Variants in RAB3C observed in about 807,000 individuals in gnomAD.
RAB3C encodes RAB3C, member RAS oncogene family.
A neutral mutation model predicts 26.4 loss-of-function variants in RAB3C; 17 were observed. The observed-to-expected ratio is 0.64, with a 90% CI of 0.44 to 0.97. The LOEUF (loss-of-function observed/expected upper bound fraction) is 0.97. RAB3C is among the 50% of genes least tolerant of loss of function. The probability of loss-of-function intolerance (pLI) is 0.00; values close to 1 mark genes in which losing one functional copy is unlikely to be tolerated. For synonymous variants in RAB3C, 91 were observed against 95.9 expected, an observed-to-expected ratio of 0.95 and a Z score of 0.30; for missense variants, 242 against 281.9, an observed-to-expected ratio of 0.86 and a Z score of 1.01.
At chr5:58,755,263 C>T (rs925710035) in intron 3 of RAB3C, among the ~76,000 whole-genome samples, 1 of 152,156 alleles carries the variant, frequency 6.6e-6, no homozygotes. Context: ...GATTCAATGC[C>T]GTTGTAAGCC....
intron 3 of RAB3C, among the ~76,000 whole-genome samples, chr5:58,812,624 T>C (rs1040006609): frequency 6.6e-6 from 1 of 152,172 alleles, no homozygotes; most frequent in African/African-American, 2.4e-5. Context: ...TGACAATGCA[T>C]TTGTTGAAGG....
At chr5:58,608,190 CT>C (rs1330339072) in intron 1 of RAB3C, among the ~76,000 whole-genome samples, 3 of 152,098 alleles carry the variant, frequency 2.0e-5, no homozygotes, top group Non-Finnish European at 2.9e-5. Flanking sequence ...GGAGACCCAT[CT>C]TATGTGCAGA....
intron 4 of RAB3C, among the ~76,000 whole-genome samples, chr5:58,837,180 T>C (rs1012443308): frequency 6.6e-6 from 1 of 152,126 alleles, no homozygotes; most frequent in African/African-American, 2.4e-5. Flanking sequence ...CATTTTTATG[T>C]CTTTTTTCTT....
intron 1 of RAB3C, among the ~76,000 whole-genome samples, chr5:58,611,348 C>T (rs1387885317): frequency 6.6e-6 from 1 of 152,144 alleles, no homozygotes; most frequent in Admixed American, 6.6e-5. Context: ...CTCCTACCGA[C>T]AGTATATAAG....
At chr5:58,614,317 C>T (rs898949767) in intron 1 of RAB3C, among the ~76,000 whole-genome samples, 4 of 152,060 alleles carry the variant, frequency 2.6e-5, no homozygotes, top group African/African-American at 9.7e-5. Flanking sequence ...CAAATTGCTT[C>T]ACTTGTGGTC....
chr5:58,717,423 G>A (rs73102351), intron 2 of RAB3C, among the ~76,000 whole-genome samples: 2,550 of 152,164 alleles, frequency 0.017, 79 homozygotes, highest in African/African-American at 0.059. Context: ...CTTCTTCAGT[G>A]AAGCCTGTCC....
intron 1 of RAB3C, among the ~76,000 whole-genome samples, chr5:58,588,629 G>A (rs2111652441): frequency 6.6e-6 from 1 of 152,120 alleles, no homozygotes; most frequent in African/African-American, 2.4e-5. Flanking sequence ...TATAAATAAA[G>A]GTTTCTCCCA....
intron 2 of RAB3C, among the ~76,000 whole-genome samples, chr5:58,669,619 CACTAGTA>C (rs1283368925): frequency 1.3e-5 from 2 of 152,180 alleles, no homozygotes; most frequent in Non-Finnish European, 2.9e-5. Context: ...ATGCCGGCTC[CACTAGTA>C]ACTCGTTTTT....
intron 2 of RAB3C, among the ~76,000 whole-genome samples, chr5:58,693,339 T>TATATATATATATATATAC (rs1748615319): frequency 1.5e-5 from 2 of 132,224 alleles, no homozygotes; most frequent in African/African-American, 5.8e-5. Context: ...TATATGTGTA[T>TATATATATATATATATAC]ATATATATAT....
intron 2 of RAB3C, among the ~76,000 whole-genome samples, chr5:58,661,567 G>C (rs1747906189): frequency 6.7e-6 from 1 of 148,356 alleles, no homozygotes; most frequent in Non-Finnish European, 1.5e-5. Context: ...GATTAGAGAA[G>C]TCCTAGATGA....
chr5:58,663,092 G>C (rs1747937068), intron 2 of RAB3C, among the ~76,000 whole-genome samples: 1 of 149,922 alleles, frequency 6.7e-6, no homozygotes, highest in Non-Finnish European at 1.5e-5. Flanking sequence ...GTTAACTACT[G>C]AACATTTCAT....
At chr5:58,722,009 G>A (rs1472285295) in intron 2 of RAB3C, among the ~76,000 whole-genome samples, 2 of 151,402 alleles carry the variant, frequency 1.3e-5, no homozygotes, top group African/African-American at 4.8e-5. Context: ...TCAATCCATG[G>A]GTTCTAACAG....
intron 3 of RAB3C, among the ~76,000 whole-genome samples, chr5:58,732,135 T>TA (rs1344469844): frequency 6.6e-6 from 1 of 151,062 alleles, no homozygotes; most frequent in African/African-American, 2.4e-5. Context: ...AGTTTTAGGG[T>TA]ACATGTGCAC....
chr5:58,681,191 C>T (rs1162363670), intron 2 of RAB3C, among the ~76,000 whole-genome samples: 1 of 152,116 alleles, frequency 6.6e-6, no homozygotes, highest in African/African-American at 2.4e-5. Flanking sequence ...AATAGTGAGG[C>T]ACTGCTTCCC....
At chr5:58,776,307 T>C (rs1742139859) in intron 3 of RAB3C, among the ~76,000 whole-genome samples, 1 of 152,130 alleles carries the variant, frequency 6.6e-6, no homozygotes, top group African/African-American at 2.4e-5. Flanking sequence ...ACCACTCTTT[T>C]CCAAACTCTT....
At chr5:58,843,243 C>T (rs1013340144) in intron 4 of RAB3C, among the ~76,000 whole-genome samples, 8 of 152,062 alleles carry the variant, frequency 5.3e-5, no homozygotes, top group African/African-American at 1.9e-4. Context: ...TTCATTTGGG[C>T]CCTAGTAATT....
At chr5:58,661,043 C>T (rs1747894845) in intron 2 of RAB3C, among the ~76,000 whole-genome samples, 1 of 150,050 alleles carries the variant, frequency 6.7e-6, no homozygotes, top group South Asian at 2.1e-4. Flanking sequence ...AAAATCAAAA[C>T]ATGATAATGT....
intron 3 of RAB3C, among the ~76,000 whole-genome samples, chr5:58,748,150 C>T (rs934171716): frequency 6.6e-6 from 1 of 151,562 alleles, no homozygotes; most frequent in Non-Finnish European, 1.5e-5. Flanking sequence ...TTAAAAGGCA[C>T]ATAAGCCATT....
At chr5:58,617,589 T>C in intron 1 of RAB3C, 54 bp from the exon 2 acceptor site, 8 of 1,315,576 alleles carry the variant, frequency 6.1e-6, no homozygotes, top group Non-Finnish European at 7.7e-6. Flanking sequence ...TCATATCAAA[T>C]GAGAGTCTGA....
Sources: gnomAD v4.1 joint callset for allele counts (sites outside exome capture counted in the v4.1 genomes callset) on GRCh38, gnomAD v4.1.1 for gene constraint, MANE v1.5 for transcripts, NCBI Gene and HGNC (gene_info 2026-07-23, HGNC 2026-07-21) for gene names.